Variants in GALNTL6 observed in about 807,000 individuals in gnomAD.
GALNTL6 encodes the protein polypeptide N-acetylgalactosaminyltransferase-like 6.
In GALNTL6, 46 loss-of-function variants were observed where a neutral mutation model predicts 73.7. That is an observed-to-expected ratio of 0.62 (90% CI 0.49 to 0.80). GALNTL6 has a LOEUF of 0.80. GALNTL6 is among the 30% of genes least tolerant of loss of function. The pLI, the probability that GALNTL6 is intolerant of heterozygous loss-of-function variation, is 0.00. For missense variants in GALNTL6, 604 were observed against 755.0 expected (o/e 0.80, Z 2.34); for synonymous variants, 259 against 263.7 (o/e 0.98, Z 0.17).
rs1736987222 is a variant in GALNTL6, at chr4:172,229,701, G to C, written c.184G>C (p.Asp62His). ...AGATGGGCAATTCTATTCATGGACA[G>C]ATGGTTTGAGAAGAAAGGACTGGCA... Reference protein sequence around the residue: ...LGDGQFYSWTDGLRRKDWHDY... With the variant: ...LGDGQFYSWTHGLRRKDWHDY... Residue 62 changes from aspartate (D) to histidine (H), a missense_variant, in exon 3 of 13, where the codon GAT becomes CAT. Physicochemically the swap from Asp to His is moderately conservative, Grantham distance 81. Coordinates refer to ENST00000506823, the MANE Select transcript of GALNTL6 (RefSeq NM_001034845.3). 1.9e-6 allele frequency: 3 copies of C among 1,613,982 alleles called. No individual in the cohort carries two copies. The highest frequency in any genetic ancestry group is 2.5e-6 in the Non-Finnish European group (3 of 1,179,870).
At chr4:172,382,936 C>A (rs1041820049) in intron 5 of GALNTL6, among the ~76,000 whole-genome samples, 25 of 152,018 alleles carry the variant, frequency 1.6e-4, no homozygotes, top group Non-Finnish European at 7.4e-5. Flanking sequence ...GAATTCAAAT[C>A]TAAAATCAAA....
intron 3 of GALNTL6, among the ~76,000 whole-genome samples, chr4:172,270,748 T>C (rs1738616842): frequency 1.3e-5 from 2 of 152,134 alleles, no homozygotes; most frequent in South Asian, 4.1e-4. Flanking sequence ...GATAGATAGA[T>C]AGATGATAGA....
rs113566820 is a variant in GALNTL6, at chr4:172,450,705, C to T, written c.553+102016C>T. Among the ~76,000 whole-genome samples the T allele has an allele frequency of 5.8e-3, 880 of 152,306 alleles. 11 individuals are homozygous for T. The highest frequency in any genetic ancestry group is 0.02 in the African/African-American group (838 of 41,566). On this transcript the variant is annotated intron_variant, in intron 5 of 12. Transcript: ENST00000506823. The stretch of plus-strand genomic sequence containing the variant: ...AGAAGGTGCCTGCCATACTGGCTTC[C>T]TTTTTGTCTTTTGAACAAACAGAGC...
intron 5 of GALNTL6, among the ~76,000 whole-genome samples, chr4:172,383,053 A>G (rs1743341984): frequency 6.6e-6 from 1 of 152,134 alleles, no homozygotes; most frequent in African/African-American, 2.4e-5. Flanking sequence ...TCTCATTATC[A>G]GGAAGTATTA....
rs562558432 is a variant in GALNTL6, at chr4:172,863,849, C to T, written c.924-18941C>T. Among the ~76,000 whole-genome samples the T allele has an allele frequency of 2.0e-5, 3 of 152,200 alleles. No individual in the cohort carries two copies. In the South Asian group the frequency reaches 6.2e-4, roughly 32 times the overall value. On this transcript the variant is annotated intron_variant, in intron 7 of 12. Coordinates refer to ENST00000506823, the MANE Select transcript of GALNTL6 (RefSeq NM_001034845.3). Reference sequence around the variant, plus strand: ...GGAATTATATGGTTTGGCTGTGTCCCCACCCAAGTCTCATCTTGAATTGTA... The same window carrying T: ...GGAATTATATGGTTTGGCTGTGTCCTCACCCAAGTCTCATCTTGAATTGTA...
intron 7 of GALNTL6, among the ~76,000 whole-genome samples, chr4:172,832,749 G>A (rs1436090124): frequency 1.3e-5 from 2 of 152,138 alleles, no homozygotes; most frequent in East Asian, 1.9e-4. Flanking sequence ...CAACTGGGCC[G>A]CGGTCTTGAA....
At chr4:172,719,968 G>C (rs1013307137) in intron 5 of GALNTL6, among the ~76,000 whole-genome samples, 1 of 152,104 alleles carries the variant, frequency 6.6e-6, no homozygotes, top group Non-Finnish European at 1.5e-5. Context: ...CTGTCATGGC[G>C]CTGATGGGAG....
chr4:172,796,072 T>C (rs1740244860), intron 5 of GALNTL6, among the ~76,000 whole-genome samples: 1 of 151,712 alleles, frequency 6.6e-6, no homozygotes, highest in African/African-American at 2.4e-5. Flanking sequence ...TGATTGACTT[T>C]GAGTGATAAA....
At chr4:171,986,612 C>A (rs895109812) in intron 2 of GALNTL6, among the ~76,000 whole-genome samples, 2 of 152,082 alleles carry the variant, frequency 1.3e-5, no homozygotes, top group South Asian at 2.1e-4. Flanking sequence ...GCGTGGGAAC[C>A]TAGAGTGGGA....
At chr4:172,534,676 C>A (rs1417843303) in intron 5 of GALNTL6, among the ~76,000 whole-genome samples, 1 of 152,076 alleles carries the variant, frequency 6.6e-6, no homozygotes, top group African/African-American at 2.4e-5. Flanking sequence ...TCAAACAATT[C>A]TCCTGCCTCA....
intron 2 of GALNTL6, among the ~76,000 whole-genome samples, chr4:171,817,226 C>T (rs1005480147): frequency 2.0e-5 from 3 of 151,888 alleles, no homozygotes; most frequent in Non-Finnish European, 4.4e-5. Context: ...ACTATTTTTA[C>T]AGTACTTATG....
At chr4:172,039,098 T>A (rs1485524242) in intron 2 of GALNTL6, among the ~76,000 whole-genome samples, 2 of 152,188 alleles carry the variant, frequency 1.3e-5, no homozygotes, top group Non-Finnish European at 2.9e-5. Flanking sequence ...TGGGTCATAT[T>A]TCTTTTGTTC....
intron 2 of GALNTL6, among the ~76,000 whole-genome samples, chr4:172,118,791 T>C (rs1405911423): frequency 6.6e-6 from 1 of 151,760 alleles, no homozygotes; most frequent in Non-Finnish European, 1.5e-5. Flanking sequence ...GGAGGAGAGC[T>C]GCTTTCCTTG....
chr4:173,038,701 T>C (rs1753791469), intron 12 of GALNTL6, among the ~76,000 whole-genome samples: 2 of 152,176 alleles, frequency 1.3e-5, no homozygotes, highest in African/African-American at 4.8e-5. Flanking sequence ...TTCTCCTTCC[T>C]TATTCTTTCT....
intron 5 of GALNTL6, among the ~76,000 whole-genome samples, chr4:172,619,320 A>C (rs1258451728): frequency 6.6e-6 from 1 of 152,184 alleles, no homozygotes; most frequent in African/African-American, 2.4e-5. Context: ...GCATGAGTGC[A>C]CATGCAATAC....
At chr4:172,878,493 A>G (rs1012033257) in intron 7 of GALNTL6, among the ~76,000 whole-genome samples, 2 of 151,898 alleles carry the variant, frequency 1.3e-5, no homozygotes, top group African/African-American at 4.8e-5. Context: ...GGCTGGGGGA[A>G]GAGAAATAGA....
intron 3 of GALNTL6, among the ~76,000 whole-genome samples, chr4:172,282,258 T>C (rs757179448): frequency 6.6e-6 from 1 of 152,118 alleles, no homozygotes; most frequent in Non-Finnish European, 1.5e-5. Context: ...TATTCAGATA[T>C]CCACGTACGT....
At chr4:172,464,171 G>A (rs1428512989) in intron 5 of GALNTL6, among the ~76,000 whole-genome samples, 1 of 152,036 alleles carries the variant, frequency 6.6e-6, no homozygotes, top group Non-Finnish European at 1.5e-5. Flanking sequence ...AAAGCGTTAG[G>A]ATTACAGGTG....
chr4:172,416,197 C>T lies in GALNTL6; in HGVS notation c.553+67508C>T, dbSNP rs77731863. Among the ~76,000 whole-genome samples, 67 of 152,212 alleles carry T rather than the reference C, an allele frequency of 4.4e-4. No individual in the cohort carries two copies. In the East Asian group the frequency reaches 0.01, roughly 23 times the overall value. On this transcript the variant is annotated intron_variant, in intron 5 of 12. Transcript: ENST00000506823. Reference sequence around the variant, plus strand: ...CAGGCTCAGAAAGCACAACATTAGACGTAGGTGAAGAAATAACCTTATTAG... The same window carrying T: ...CAGGCTCAGAAAGCACAACATTAGATGTAGGTGAAGAAATAACCTTATTAG...
Sources: allele counts gnomAD v4.1 joint callset (sites outside exome capture counted in the v4.1 genomes callset), GRCh38; gene constraint gnomAD v4.1.1; transcripts MANE v1.5; gene names NCBI Gene and HGNC (gene_info 2026-07-23, HGNC 2026-07-21).